Variants in CADPS observed in about 807,000 individuals in gnomAD.
The protein encoded by CADPS is calcium-dependent secretion activator 1.
Under a neutral mutation model 167.3 loss-of-function variants are expected in CADPS, and 57 were observed. The observed-to-expected ratio is 0.34, with a 90% CI of 0.28 to 0.42. CADPS has a LOEUF of 0.42. CADPS is among the 20% of genes least tolerant of loss of function. CADPS has a pLI of 1.00. For synonymous variants in CADPS, 676 were observed against 635.3 expected, an observed-to-expected ratio of 1.06 and a Z score of -0.96; for missense variants, 1,414 against 1,738.1, an observed-to-expected ratio of 0.81 and a Z score of 3.32.
intron 1 of CADPS, among the ~76,000 whole-genome samples, chr3:62,769,988 C>T (rs2088150053): frequency 6.6e-6 from 1 of 151,958 alleles, no homozygotes; most frequent in African/African-American, 2.4e-5. Context: ...ATAAAAGAGC[C>T]AAATGATAAA....
rs140186352 is a variant in CADPS at position 62,472,889 on chromosome 3, C to T, written c.3477+1284G>A. Among the ~76,000 whole-genome samples, 43 of 152,346 alleles carry T rather than the reference C, an allele frequency of 2.8e-4. 1 individual carries two copies. In the East Asian group the frequency reaches 8.3e-3, roughly 29 times the overall value. On this transcript the variant is annotated intron_variant, in intron 24 of 29. Transcript: ENST00000383710. ...CTTCCCCTGAAGTCAGGTTTACATA[C>T]TGAGTATCCAGATCAGTGGTTCTCA... is the stretch of plus-strand genomic sequence containing the variant.
chr3:62,585,340 G>T lies in CADPS; in HGVS notation c.1438-16C>A, dbSNP rs1361159558. The T allele has an allele frequency of 6.3e-7, 1 of 1,592,612 alleles. No individual in the cohort carries two copies. Among genetic ancestry groups the T allele is most frequent in the Non-Finnish European group, 8.5e-7 (1 of 1,172,944 alleles). On this transcript the variant is annotated splice_polypyrimidine_tract_variant and intron_variant, in intron 7 of 29. Transcript: ENST00000383710. ...GGAGAATAACCTGTAGGGGAAAAAG[G>T]ACAAGCAACTAGAAAAGAGAAGCAC... is the stretch of plus-strand genomic sequence containing the variant.
chr3:62,407,480 G>A (rs1186974987), intron 28 of CADPS, among the ~76,000 whole-genome samples: 1 of 152,150 alleles, frequency 6.6e-6, no homozygotes, highest in Non-Finnish European at 1.5e-5. Flanking sequence ...CTCAAACCCT[G>A]TGGGGTGAGT....
At chr3:62,442,119 T>G (rs1234079188) in intron 27 of CADPS, among the ~76,000 whole-genome samples, 1 of 139,040 alleles carries the variant, frequency 7.2e-6, no homozygotes, top group Non-Finnish European at 1.6e-5. Flanking sequence ...AAACCAGAAA[T>G]TTTTTTTTTT....
chr3:62,629,930 G>A (rs2064968735), intron 6 of CADPS, among the ~76,000 whole-genome samples: 1 of 152,082 alleles, frequency 6.6e-6, no homozygotes, highest in Non-Finnish European at 1.5e-5. Context: ...TCCTCTATAA[G>A]GAGGTAATTT....
intron 11 of CADPS, among the ~76,000 whole-genome samples, chr3:62,547,133 C>T (rs946840909): frequency 6.6e-6 from 1 of 152,120 alleles, no homozygotes; most frequent in African/African-American, 2.4e-5. Flanking sequence ...TTATTAAGTG[C>T]TTAAACTAGC....
chr3:62,844,536 G>T (rs2077104828), intron 1 of CADPS, among the ~76,000 whole-genome samples: 1 of 152,150 alleles, frequency 6.6e-6, no homozygotes, highest in Admixed American at 6.5e-5. Context: ...ATGAATGCCT[G>T]TGAAAGCCAA....
At chr3:62,512,898 G>C (rs1314306925) in intron 16 of CADPS, 130 bp from the exon 17 acceptor site, 15 of 677,524 alleles carry the variant, frequency 2.2e-5, no homozygotes, top group Non-Finnish European at 3.5e-5. Context: ...AGAAAAGGTT[G>C]CCCTTGGGTT....
chr3:62,594,504 A>G (rs2086858701), intron 6 of CADPS, among the ~76,000 whole-genome samples: 1 of 152,252 alleles, frequency 6.6e-6, no homozygotes. Context: ...CACTTTCTAT[A>G]TGTACCATAA....
intron 6 of CADPS, among the ~76,000 whole-genome samples, chr3:62,644,615 C>A (rs1292854800): frequency 6.6e-6 from 1 of 152,178 alleles, no homozygotes; most frequent in Non-Finnish European, 1.5e-5. Context: ...AGCTTATCCA[C>A]CCCTTATTCT....
At chr3:62,869,601 TC>T (rs2082272659) in intron 1 of CADPS, among the ~76,000 whole-genome samples, 1 of 152,100 alleles carries the variant, frequency 6.6e-6, no homozygotes, top group South Asian at 2.1e-4. Context: ...CTTTCTTCCT[TC>T]CCCACTTTAG....
chr3:62,641,641 C>A (rs1322203659), intron 6 of CADPS, among the ~76,000 whole-genome samples: 4 of 152,244 alleles, frequency 2.6e-5, no homozygotes, highest in African/African-American at 9.6e-5. Flanking sequence ...GCAAAAACAA[C>A]CTATTGCAAA....
chr3:62,609,827 C>T (rs1478946177), intron 6 of CADPS, among the ~76,000 whole-genome samples: 1 of 152,142 alleles, frequency 6.6e-6, no homozygotes, highest in Admixed American at 6.6e-5. Flanking sequence ...CAGTGGCTCA[C>T]ACCTGTAATC....
Position 62,746,344 on chromosome 3 carries a change from T to C in CADPS, c.888+7097A>G, listed in dbSNP as rs187173077. Reference sequence around the variant, plus strand: ...CTTAATCAGGCAATCCATTGATTGATTGATTGAGACAGAGTCTCGCTCTCT... The same window carrying C: ...CTTAATCAGGCAATCCATTGATTGACTGATTGAGACAGAGTCTCGCTCTCT... On this transcript the variant is annotated intron_variant, in intron 3 of 29. Coordinates refer to ENST00000383710, the MANE Select transcript of CADPS (RefSeq NM_003716.4). Among the ~76,000 whole-genome samples, 8 of 152,326 alleles carry C rather than the reference T, an allele frequency of 5.3e-5. No individual in the cohort carries two copies. The East Asian group carries it at 1.2e-3, about 22-fold the overall frequency.
intron 1 of CADPS, among the ~76,000 whole-genome samples, chr3:62,770,067 C>A (rs999422596): frequency 6.6e-6 from 1 of 152,196 alleles, no homozygotes; most frequent in Non-Finnish European, 1.5e-5. Flanking sequence ...TCTTTACTTA[C>A]TCTGGTCTCC....
intron 26 of CADPS, among the ~76,000 whole-genome samples, chr3:62,462,997 G>A (rs538439286): frequency 3.9e-5 from 6 of 152,306 alleles, no homozygotes; most frequent in African/African-American, 1.2e-4. Context: ...TGTGGGAGAA[G>A]TGTCACTAAG....
At chr3:62,694,877 G>A (rs889009434) in intron 3 of CADPS, among the ~76,000 whole-genome samples, 5 of 152,086 alleles carry the variant, frequency 3.3e-5, no homozygotes, top group Admixed American at 3.3e-4. Context: ...ACAGAATGAA[G>A]TAGATGCCAT....
Position 62,438,987 on chromosome 3 carries a change from C to T in CADPS, c.3670-776G>A, listed in dbSNP as rs1273308379. On this transcript the variant is annotated intron_variant, in intron 27 of 29. Coordinates refer to ENST00000383710, the MANE Select transcript of CADPS (RefSeq NM_003716.4). The surrounding 1 kb of genome is among the most constrained non-coding windows in gnomAD (Gnocchi z 4.7). Reference sequence around the variant, plus strand: ...GGTTCATCCTGCAGTTAGGAAATGACTTATTGTAGGGAAGTAAAAAAAAAA... The same window carrying T: ...GGTTCATCCTGCAGTTAGGAAATGATTTATTGTAGGGAAGTAAAAAAAAAA... 2.6e-5 allele frequency: 4 copies of T among 151,388 alleles called. 1 individual carries two copies. The highest frequency in any genetic ancestry group is 7.3e-5 in the African/African-American group (3 of 41,148). The allele number at this position is 151,388 out of a possible 1,614,324, so 9.4% of individuals were successfully genotyped here.
chr3:62,779,662 T>G (rs188368731), intron 1 of CADPS: 8 of 523,222 alleles, frequency 1.5e-5, no homozygotes, highest in East Asian at 5.4e-5. Context: ...CTTACCTGAG[T>G]GCAAGGTCCA....
Sources: gnomAD v4.1 joint callset for allele counts (sites outside exome capture counted in the v4.1 genomes callset) on GRCh38, gnomAD v4.1.1 for gene constraint, Gnocchi (gnomAD v3.1) non-coding constraint, MANE v1.5 for transcripts, NCBI Gene and HGNC (gene_info 2026-07-23, HGNC 2026-07-21) for gene names.